The following MFSD2B variants were observed in gnomAD, a reference collection of about 807,000 sequenced individuals.
MFSD2B encodes the protein sphingosine-1-phosphate transporter MFSD2B.
In MFSD2B, 56 loss-of-function variants were observed where a neutral mutation model predicts 58.4. The ratio of observed to expected loss-of-function variants is 0.96; its 90% CI spans 0.77 to 1.20. The LOEUF (loss-of-function observed/expected upper bound fraction) is 1.20. Ranked by LOEUF, MFSD2B falls within the 50% of genes most tolerant of loss-of-function variation. MFSD2B has a pLI of 0.00. For synonymous variants in MFSD2B, 287 were observed against 294.4 expected, an observed-to-expected ratio of 0.97 and a Z score of 0.26; for missense variants, 645 against 667.6, an observed-to-expected ratio of 0.97 and a Z score of 0.37.
rs142641213 is a variant in MFSD2B, at chr2:24,013,159, G to C, written c.97-126G>C. 184 of 942,462 alleles carry C rather than the reference G, an allele frequency of 2.0e-4. No individual in the cohort carries two copies. In the Middle Eastern group the frequency reaches 2.1e-3, roughly 11 times the overall value. 58.4% of individuals were successfully genotyped at this position (942,462 alleles called of 1,614,324 possible). Reference sequence around the variant, plus strand: ...TAGGATGACATGGGGGCAAAATGGGGCTGAGAGGTTGCTGGAAAAGCCCTG... The same window carrying C: ...TAGGATGACATGGGGGCAAAATGGGCCTGAGAGGTTGCTGGAAAAGCCCTG... On this transcript the variant is annotated intron_variant, in intron 1 of 13. Coordinates refer to ENST00000338315, the MANE Select transcript of MFSD2B (RefSeq NM_001346880.2).
At chr2:24,012,000 G>A (rs951892919) in intron 1 of MFSD2B, among the ~76,000 whole-genome samples, 15 of 152,138 alleles carry the variant, frequency 9.9e-5, no homozygotes, top group Admixed American at 3.3e-4. Flanking sequence ...GAAGGAGCCC[G>A]GCGTGGCTGA....
In MFSD2B at chr2:24,023,344, A is replaced by AGCTGGT; in HGVS notation, c.1169+106_1169+107insCTGGTG. ...TGCACCCAGCCTGTGCAGGAGATGGAGGCCACCAGCTCCATCCTCAGAGCC... is the reference window on the plus strand; with the variant it reads ...TGCACCCAGCCTGTGCAGGAGATGGAGCTGGTGGCCACCAGCTCCATCCTCAGAGCC... On this transcript the variant is annotated intron_variant, in intron 11 of 13. Transcript: ENST00000338315. This position sits in a 1 kb window ranked among gnomAD's most constrained non-coding sequence, Gnocchi z 5.0. 9.6e-7 allele frequency: 1 copy of AGCTGGT among 1,042,502 alleles called. No homozygotes were observed. Among genetic ancestry groups the AGCTGGT allele is most frequent in the Non-Finnish European group, 1.5e-6 (1 of 684,694 alleles). The allele number at this position is 1,042,502 out of a possible 1,614,324, so 64.6% of individuals were successfully genotyped here.
intron 2 of MFSD2B, among the ~76,000 whole-genome samples, chr2:24,013,826 C>T (rs546585074): frequency 5.7e-4 from 85 of 150,122 alleles, no homozygotes; most frequent in African/African-American, 2.1e-3. Context: ...TTATATGTGG[C>T]CCAAGACGAT....
chr2:24,015,938 G>A (rs555119779), intron 2 of MFSD2B, among the ~76,000 whole-genome samples: 1 of 152,360 alleles, frequency 6.6e-6, no homozygotes, highest in East Asian at 1.9e-4. Flanking sequence ...TGGCTGACAT[G>A]AGTACTAATG....
In MFSD2B at chr2:24,022,691, C is replaced by A; in HGVS notation, c.979-131C>A. On this transcript the variant is annotated intron_variant, in intron 9 of 13. Coordinates refer to ENST00000338315, the MANE Select transcript of MFSD2B (RefSeq NM_001346880.2). The surrounding 1 kb of genome is among the most constrained non-coding windows in gnomAD (Gnocchi z 4.5). ...GGTAGAATTGGGGCCAGGATTACAACATTCATAGCCACCGGTTTGAACCAG... is the reference window on the plus strand; with the variant it reads ...GGTAGAATTGGGGCCAGGATTACAAAATTCATAGCCACCGGTTTGAACCAG... 1 of 849,782 alleles carries A rather than the reference C, an allele frequency of 1.2e-6. No individual in the cohort carries two copies. The highest frequency in any genetic ancestry group is 1.8e-6 in the Non-Finnish European group (1 of 555,694). 52.6% of individuals were successfully genotyped at this position (849,782 alleles called of 1,614,324 possible). A position where few individuals can be genotyped will look rare whatever the true frequency, so the allele number is the denominator to read the frequency against.
chr2:24,025,413 C>T lies in MFSD2B; in HGVS notation c.1491-19C>T, dbSNP rs950937259. ...ACACCACTTCCATCCTTCTCCTTGG[C>T]TTCCTTCCCTTCCCACAGGAGGACC... On this transcript the variant is annotated intron_variant, in intron 13 of 13. Transcript: ENST00000338315. 1.3e-6 allele frequency: 2 copies of T among 1,535,858 alleles called. No individual in the cohort carries two copies. Among genetic ancestry groups the T allele is most frequent in the African/African-American group, 2.7e-5 (2 of 73,040 alleles).
At chr2:24,013,835 ATTC>A (rs1709042706) in intron 2 of MFSD2B, among the ~76,000 whole-genome samples, 1 of 123,322 alleles carries the variant, frequency 8.1e-6, no homozygotes, top group Non-Finnish European at 1.7e-5. Context: ...GCCCAAGACG[ATTC>A]TTTTTTTTTT....
rs1362107206 is a variant in MFSD2B at position 24,023,268 on chromosome 2, G to C, written c.1169+29G>C. 6.5e-7 allele frequency: 1 copy of C among 1,546,836 alleles called. No homozygotes were observed. The highest frequency in any genetic ancestry group is 1.7e-5 in the Admixed American group (1 of 59,904). On this transcript the variant is annotated intron_variant, in intron 11 of 13. Coordinates refer to ENST00000338315, the MANE Select transcript of MFSD2B (RefSeq NM_001346880.2). This position sits in a 1 kb window ranked among gnomAD's most constrained non-coding sequence, Gnocchi z 5.0. ...GGCTGGGTGTGGGGGCCTCACGTGTGTCCACAGTGGGTGTCACCTCCTTCA... is the reference window on the plus strand; with the variant it reads ...GGCTGGGTGTGGGGGCCTCACGTGTCTCCACAGTGGGTGTCACCTCCTTCA...
At position 24,023,385 on chromosome 2, in the gene MFSD2B, C is replaced by A. The variant is rs2150942830; in HGVS notation, c.1169+146C>A. On this transcript the variant is annotated intron_variant, in intron 11 of 13. Coordinates refer to ENST00000338315, the MANE Select transcript of MFSD2B (RefSeq NM_001346880.2). This position sits in a 1 kb window ranked among gnomAD's most constrained non-coding sequence, Gnocchi z 5.0. ...CCTCAGAGCCCTCCTGAGAGGACATCAGGCAGTAGGAATGGCGGGGGGCCG... is the reference window on the plus strand; with the variant it reads ...CCTCAGAGCCCTCCTGAGAGGACATAAGGCAGTAGGAATGGCGGGGGGCCG... The A allele has an allele frequency of 1.1e-6, 1 of 915,094 alleles. No individual in the cohort carries two copies. The highest frequency in any genetic ancestry group is 1.7e-6 in the Non-Finnish European group (1 of 589,200). The allele number at this position is 915,094 out of a possible 1,614,324, so 56.7% of individuals were successfully genotyped here.
Position 24,021,425 on chromosome 2 carries a change from TGCAGG to T in MFSD2B, c.682-221_682-217del, listed in dbSNP as rs1573642668. Among the ~76,000 whole-genome samples, 1 of 152,300 alleles carries T rather than the reference TGCAGG, an allele frequency of 6.6e-6. No individual in the cohort carries two copies. Among genetic ancestry groups the T allele is most frequent in the Non-Finnish European group, 1.5e-5 (1 of 68,020 alleles). ...CCTGGGGCATGTGTCCTCTTTGCCA[TGCAGG>T]GAACACAGGGTCAGCAGAGGGGGTG... On this transcript the variant is annotated intron_variant, in intron 6 of 13. Coordinates refer to ENST00000338315, the MANE Select transcript of MFSD2B (RefSeq NM_001346880.2). This position sits in a 1 kb window ranked among gnomAD's most constrained non-coding sequence, Gnocchi z 5.7.
At position 24,023,578 on chromosome 2, in the gene MFSD2B, C is replaced by A. The variant is rs762008420; in HGVS notation, c.1170-5C>A. The A allele has an allele frequency of 7.4e-6, 12 of 1,613,138 alleles. No individual in the cohort carries two copies. The highest frequency in any genetic ancestry group is 1.0e-5 in the Non-Finnish European group (12 of 1,179,468). Reference sequence around the variant, plus strand: ...AGGAGGGCTAACTCCACACCCCCGCCGCAGGTCCATGCTGCCAGACGTGGT... The same window carrying A: ...AGGAGGGCTAACTCCACACCCCCGCAGCAGGTCCATGCTGCCAGACGTGGT... On this transcript the variant is annotated splice_polypyrimidine_tract_variant and splice_region_variant and intron_variant, in intron 11 of 13. Coordinates refer to ENST00000338315, the MANE Select transcript of MFSD2B (RefSeq NM_001346880.2). This position sits in a 1 kb window ranked among gnomAD's most constrained non-coding sequence, Gnocchi z 5.0.
Position 24,012,184 on chromosome 2 carries a change from A to AAC in MFSD2B, c.97-1101_97-1100insAC, listed in dbSNP as rs1558318900. Among the ~76,000 whole-genome samples, 291 of 129,568 alleles carry AAC rather than the reference A, an allele frequency of 2.2e-3. 15 individuals are homozygous for AAC. The South Asian group carries it at 0.069, about 31-fold the overall frequency. 85.0% of individuals were successfully genotyped at this position (129,568 alleles called of 152,430 possible). ...CACACACACACACACACACACAAAAACAGACAAAAAAACCCTGCAATAGCA... is the reference window on the plus strand; with the variant it reads ...CACACACACACACACACACACAAAAAACCAGACAAAAAAACCCTGCAATAGCA... On this transcript the variant is annotated intron_variant, in intron 1 of 13. Transcript: ENST00000338315. This position sits in a 1 kb window ranked among gnomAD's most constrained non-coding sequence, Gnocchi z 4.5.
chr2:24,018,849 CT>C (rs34543246), intron 6 of MFSD2B: 394 of 116,568 alleles, frequency 3.4e-3, no homozygotes, highest in East Asian at 0.023. Flanking sequence ...GCCTTTTGTG[CT>C]TTTTTTTTTT....
rs1709211732 is a variant in MFSD2B at position 24,017,710 on chromosome 2, C to T, written c.681+122C>T. 9.5e-7 allele frequency: 1 copy of T among 1,054,412 alleles called. No individual in the cohort carries two copies. 65.3% of individuals were successfully genotyped at this position (1,054,412 alleles called of 1,614,324 possible). On this transcript the variant is annotated intron_variant, in intron 6 of 13. Transcript: ENST00000338315. The surrounding 1 kb of genome is among the most constrained non-coding windows in gnomAD (Gnocchi z 4.8). ...TTGTCTTTTAGGGGGCTCACTGTGC[C>T]CCCTCATTCCTTCCCTGCTCCTCCA...
chr2:24,016,344 C>T lies in MFSD2B; in HGVS notation c.347+64C>T, dbSNP rs1709145768. ...TCCTGGCCCTGAGGTCACTGTTTGT[C>T]ACAGCCCTATTTCCTAGCAGAAACC... On this transcript the variant is annotated intron_variant, in intron 3 of 13. Transcript: ENST00000338315. The T allele has an allele frequency of 1.9e-6, 3 of 1,547,586 alleles. No homozygotes were observed. The African/African-American group carries it at 4.1e-5, about 21-fold the overall frequency.
At chr2:24,013,495 T>C in intron 2 of MFSD2B, 85 bp downstream of exon 2, 1 of 1,383,788 alleles carries the variant, frequency 7.2e-7, no homozygotes, top group Non-Finnish European at 9.7e-7. Flanking sequence ...CTGCTCCCAC[T>C]ATCCTTGTAG....
chr2:24,021,797 G>C lies in MFSD2B; in HGVS notation c.773-52G>C, dbSNP rs970163497. 6.2e-6 allele frequency: 10 copies of C among 1,613,048 alleles called. No individual in the cohort carries two copies. The African/African-American group carries it at 1.2e-4, about 19-fold the overall frequency. ...GGGGGCAGGGCTCTGCTTGGGGGCA[G>C]GTTTTGCTTTTGAACTCTGCGAAGC... On this transcript the variant is annotated intron_variant, in intron 7 of 13. Coordinates refer to ENST00000338315, the MANE Select transcript of MFSD2B (RefSeq NM_001346880.2). The surrounding 1 kb of genome is among the most constrained non-coding windows in gnomAD (Gnocchi z 5.7).
rs1377762589 is a variant in MFSD2B, at chr2:24,026,388, T to C, written c.*932T>C. The C allele has an allele frequency of 1.3e-5, 2 of 152,238 alleles. No individual in the cohort carries two copies. Among genetic ancestry groups the C allele is most frequent in the East Asian group, 1.9e-4 (1 of 5,202 alleles). 9.4% of individuals were successfully genotyped at this position (152,238 alleles called of 1,614,324 possible). A position where few individuals can be genotyped will look rare whatever the true frequency, so the allele number is the denominator to read the frequency against. ...GGGGTGAGGGGAACATCTTTTGTTATACATAAGAAGCCCTTTTCAAACAGA... is the reference window on the plus strand; with the variant it reads ...GGGGTGAGGGGAACATCTTTTGTTACACATAAGAAGCCCTTTTCAAACAGA... On this transcript the variant is annotated 3_prime_UTR_variant, in exon 14 of 14. Coordinates refer to ENST00000338315, the MANE Select transcript of MFSD2B (RefSeq NM_001346880.2).
rs1296986698 is a variant in MFSD2B at position 24,017,314 on chromosome 2, C to T, written c.500C>T (p.Thr167Ile). Residue 167 changes from threonine (T) to isoleucine (I), a missense_variant, in exon 5 of 14, where the codon ACC (threonine) becomes ATC (isoleucine). Physicochemically the swap from Thr to Ile is moderately conservative, Grantham distance 89 (BLOSUM62 -1). Transcript: ENST00000338315. The surrounding 1 kb of genome is among the most constrained non-coding windows in gnomAD (Gnocchi z 4.8). ...TTCCAGGTGCCCTACACAGCGCTCA[C>T]CATGCTGCTGACTCCCTGCCCAAGG... ...TFFQVPYTAL[T>I]MLLTPCPRER... The T allele has an allele frequency of 3.7e-6, 6 of 1,605,654 alleles. No individual in the cohort carries two copies. The African/African-American group carries it at 6.7e-5, about 18-fold the overall frequency.
Sources: allele counts gnomAD v4.1 joint callset (sites outside exome capture counted in the v4.1 genomes callset), GRCh38; gene constraint gnomAD v4.1.1; non-coding constraint Gnocchi (gnomAD v3.1); transcripts MANE v1.5; gene names NCBI Gene and HGNC (gene_info 2026-07-23, HGNC 2026-07-21).